Variants in DPP10 observed in about 807,000 individuals in gnomAD.
DPP10 encodes inactive dipeptidyl peptidase 10.
Under a neutral mutation model 120.9 loss-of-function variants are expected in DPP10, and 33 were observed. The observed-to-expected ratio is 0.27, with a 90% confidence interval of 0.21 to 0.37. The LOEUF is 0.37. DPP10 is among the 10% of genes least tolerant of loss of function. The pLI is 1.00. For missense variants in DPP10, 816 were observed against 942.8 expected (o/e 0.87, Z 1.76); for synonymous variants, 337 against 326.1 (o/e 1.03, Z -0.36).
At position 115,205,881 on chromosome 2, in the gene DPP10, G is replaced by T. The variant is rs1194184412; in HGVS notation, c.61-103358G>T. On this transcript the variant is annotated intron_variant, in intron 1 of 25. Transcript: ENST00000410059. ...TAGACACTGGGAGCTGGAAGAGGGG[G>T]AAGCAGGGAGTGGTACAAGGATTGA... 1.6e-4 allele frequency among the ~76,000 whole-genome samples: 24 copies of T among 152,146 alleles called. 1 individual carries two copies. Among genetic ancestry groups the T allele is most frequent in the Admixed American group, 1.6e-3 (24 of 15,260 alleles).
At chr2:115,076,123 G>A (rs570532068) in intron 1 of DPP10, among the ~76,000 whole-genome samples, 1 of 152,074 alleles carries the variant, frequency 6.6e-6, no homozygotes, top group African/African-American at 2.4e-5. Flanking sequence ...TGTTGTTTCT[G>A]TTGTTGTTGA....
At chr2:114,727,753 T>G (rs1474472792) in intron 1 of DPP10, among the ~76,000 whole-genome samples, 1 of 152,156 alleles carries the variant, frequency 6.6e-6, no homozygotes, top group Non-Finnish European at 1.5e-5. Flanking sequence ...AGAATGGAAG[T>G]AGTTTCTAGG....
intron 1 of DPP10, among the ~76,000 whole-genome samples, chr2:115,012,681 G>A (rs1005854301): frequency 6.6e-6 from 1 of 152,148 alleles, no homozygotes; most frequent in Non-Finnish European, 1.5e-5. Context: ...AAGACTGAAC[G>A]GCAGCACTTG....
intron 21 of DPP10, among the ~76,000 whole-genome samples, chr2:115,824,644 C>A (rs935669250): frequency 5.3e-5 from 8 of 152,178 alleles, no homozygotes; most frequent in Non-Finnish European, 8.8e-5. Flanking sequence ...CTGCCAAGAA[C>A]ATGATCTCAT....
intron 1 of DPP10, among the ~76,000 whole-genome samples, chr2:115,026,264 C>G (rs1201896246): frequency 6.6e-6 from 1 of 152,034 alleles, no homozygotes. Context: ...GCTTTTGAAG[C>G]ACCATTTTTT....
intron 1 of DPP10, among the ~76,000 whole-genome samples, chr2:114,997,501 AAAAAAAAAAAG>A (rs776816218): frequency 0.078 from 1,240 of 15,842 alleles, 14 homozygotes; most frequent in East Asian, 0.14. Context: ...AAAAAAAAAG[AAAAAAAAAAAG>A]AAAAAAATTC....
At chr2:115,723,424 C>A (rs899639376) in intron 7 of DPP10, among the ~76,000 whole-genome samples, 3 of 152,102 alleles carry the variant, frequency 2.0e-5, no homozygotes, top group African/African-American at 7.2e-5. Flanking sequence ...CAAATTTATT[C>A]TCTTCAAGTC....
chr2:115,628,384 A>G (rs1165478101), intron 5 of DPP10, among the ~76,000 whole-genome samples: 1 of 152,066 alleles, frequency 6.6e-6, no homozygotes, highest in Non-Finnish European at 1.5e-5. Context: ...TTTCTTGTAA[A>G]TTAATTTAAG....
chr2:115,543,682 C>T (rs949357531), intron 5 of DPP10, among the ~76,000 whole-genome samples: 1 of 151,764 alleles, frequency 6.6e-6, no homozygotes, highest in African/African-American at 2.4e-5. Context: ...ATCAGTATGT[C>T]TTCAGTCACT....
chr2:115,282,237 TC>T (rs1039245722), intron 1 of DPP10, among the ~76,000 whole-genome samples: 1 of 152,088 alleles, frequency 6.6e-6, no homozygotes, highest in Non-Finnish European at 1.5e-5. Flanking sequence ...AATAGTTATG[TC>T]TCACTTTTAG....
intron 1 of DPP10, among the ~76,000 whole-genome samples, chr2:114,717,167 A>C (rs1218700502): frequency 1.3e-5 from 2 of 152,196 alleles, no homozygotes; most frequent in African/African-American, 4.8e-5. Flanking sequence ...AAAAACTTCC[A>C]TTAGGAGACG....
At chr2:115,732,106 T>C (rs2092925178) in intron 8 of DPP10, among the ~76,000 whole-genome samples, 1 of 152,306 alleles carries the variant, frequency 6.6e-6, no homozygotes, top group South Asian at 2.1e-4. Context: ...TGTGGAGATT[T>C]CCTTTTTATT....
intron 5 of DPP10, among the ~76,000 whole-genome samples, chr2:115,556,960 CG>C (rs1575169619): frequency 6.6e-6 from 1 of 152,194 alleles, no homozygotes; most frequent in East Asian, 1.9e-4. Flanking sequence ...CCCAAAGTCA[CG>C]GAACAGTACA....
At chr2:115,318,366 A>G (rs893940886) in intron 2 of DPP10, among the ~76,000 whole-genome samples, 31 of 152,194 alleles carry the variant, frequency 2.0e-4, no homozygotes, top group South Asian at 2.1e-4. Context: ...AAGTGTGACT[A>G]TTACACTTTA....
rs371875112 is a variant in DPP10 at position 114,727,980 on chromosome 2, C to T, written c.60+285142C>T. On this transcript the variant is annotated intron_variant, in intron 1 of 25. Transcript: ENST00000410059. ...TGGATGGGGAAACTGAGATACAGAG[C>T]TTAATATCCCCATGATCAAAGGGCT... 4.5e-4 allele frequency among the ~76,000 whole-genome samples: 68 copies of T among 152,280 alleles called. 1 individual carries two copies. In the South Asian group the frequency reaches 0.014, roughly 32 times the overall value.
chr2:115,699,041 A>AAAAAAAAAAAAAAAAAAAAAAAAAAT (rs2091756398), intron 7 of DPP10, among the ~76,000 whole-genome samples: 1 of 147,636 alleles, frequency 6.8e-6, no homozygotes, highest in Non-Finnish European at 1.5e-5. Context: ...AAAAACAAAA[A>AAAAAAAAAAAAAAAAAAAAAAAAAAT]AAAAAAAACA....
intron 5 of DPP10, among the ~76,000 whole-genome samples, chr2:115,638,687 C>G (rs1350607068): frequency 6.6e-6 from 1 of 152,138 alleles, no homozygotes; most frequent in Non-Finnish European, 1.5e-5. Flanking sequence ...TGAGTCCTCC[C>G]TTGAAATCCT....
chr2:115,325,736 G>A (rs1332790132), intron 2 of DPP10, among the ~76,000 whole-genome samples: 1 of 151,834 alleles, frequency 6.6e-6, no homozygotes, highest in African/African-American at 2.4e-5. Context: ...AACAAAAAAA[G>A]CAAAATAAAT....
chr2:115,787,218 A>T (rs1683445850), intron 17 of DPP10, among the ~76,000 whole-genome samples: 1 of 152,232 alleles, frequency 6.6e-6, no homozygotes, highest in Non-Finnish European at 1.5e-5. Flanking sequence ...TTGGTATCTA[A>T]TAAAAAATTA....
Sources: allele counts gnomAD v4.1 joint callset (sites outside exome capture counted in the v4.1 genomes callset), GRCh38; gene constraint gnomAD v4.1.1; transcripts MANE v1.5; gene names NCBI Gene and HGNC (gene_info 2026-07-23, HGNC 2026-07-21).